Variants in AOX1 observed in about 807,000 individuals in gnomAD.
The protein encoded by AOX1 is aldehyde oxidase.
Under a neutral mutation model 169.5 loss-of-function variants are expected in AOX1, and 153 were observed. The observed-to-expected ratio is 0.90, with a 90% CI of 0.79 to 1.03. The LOEUF (loss-of-function observed/expected upper bound fraction) is 1.03, where lower values mean the gene tolerates loss of function less well. AOX1 is among the 50% of genes least tolerant of loss of function. The pLI, the probability that AOX1 is intolerant of heterozygous loss-of-function variation, is 0.00. For synonymous variants in AOX1, 562 were observed against 581.9 expected (o/e 0.97, Z 0.49); for missense variants, 1,656 against 1,663.9 (o/e 1.00, Z 0.08).
At position 200,612,643 on chromosome 2, in the gene AOX1, G is replaced by A. The variant is rs145889928; in HGVS notation, c.1298G>A (p.Arg433Gln). ...EFVSAFRQAQRQENALAIVNS... is the reference protein window; with the variant it reads ...EFVSAFRQAQQQENALAIVNS... The stretch of plus-strand genomic sequence containing the variant: ...GTGTCAGCCTTCCGACAAGCCCAGC[G>A]ACAGGAGAATGCGCTAGCGATAGTC... The change falls in exon 14 of 35, where the codon CGA (arginine) becomes CAA (glutamine). Residue 433 changes from arginine (R) to glutamine (Q), a missense_variant. Transcript: ENST00000374700. 68 of 1,613,888 alleles carry A rather than the reference G, an allele frequency of 4.2e-5. No homozygotes were observed. The highest frequency in any genetic ancestry group is 8.3e-5 in the Admixed American group (5 of 59,994).
intron 23 of AOX1, 67 bp downstream of exon 23, chr2:200,638,369 C>A: frequency 2.9e-6 from 4 of 1,382,156 alleles, no homozygotes; most frequent in Non-Finnish European, 4.1e-6. Flanking sequence ...GTGCGCAGGG[C>A]AGTCTTTGGC....
chr2:200,642,530 G>C, intron 24 of AOX1, 80 bp from the exon 25 acceptor site: 3 of 1,191,984 alleles, frequency 2.5e-6, no homozygotes, highest in Non-Finnish European at 3.6e-6. Context: ...TGCCATTTTC[G>C]GCCTGGTTTT....
At chr2:200,659,894 C>A in intron 28 of AOX1, 101 bp from the exon 29 acceptor site, 1 of 899,102 alleles carries the variant, frequency 1.1e-6, no homozygotes, top group Non-Finnish European at 1.7e-6. Flanking sequence ...TTTCCATGTT[C>A]CCTCTTAGAT....
In AOX1 at chr2:200,669,669, G is replaced by A. The variant is rs1486293054; in HGVS notation, c.3893G>A (p.Gly1298Glu). The A allele has an allele frequency of 1.9e-6, 3 of 1,613,968 alleles. No individual in the cohort carries two copies. The highest frequency in any genetic ancestry group is 1.7e-5 in the Admixed American group (1 of 60,010). ...SAARQERGLH[G>E]PLTLNSPLTP... The stretch of plus-strand genomic sequence containing the variant: ...GCACGACAGGAGAGAGGCCTGCATG[G>A]ACCCTTGACCCTTAATAGTCCACTG... Residue 1298 changes from glycine to glutamate, a missense_variant, in exon 34 of 35, where the codon GGA becomes GAA. Transcript: ENST00000374700.
At chr2:200,612,903 C>T (rs1217081857) in intron 14 of AOX1, 110 bp downstream of exon 14, 15 of 807,666 alleles carry the variant, frequency 1.9e-5, no homozygotes, top group Non-Finnish European at 2.9e-5. Context: ...TGTTCCATAC[C>T]TTTCTATTTA....
chr2:200,680,069 A>T (rs1480866221), downstream of AOX1, among the ~76,000 whole-genome samples: 1 of 152,170 alleles, frequency 6.6e-6, no homozygotes, highest in African/African-American at 2.4e-5. Context: ...ACAGAGCAAG[A>T]CTTCATCTCT....
At chr2:200,634,760 T>A (rs769569877) in intron 20 of AOX1, 31 bp from the exon 21 acceptor site, 1 of 1,612,954 alleles carries the variant, frequency 6.2e-7, no homozygotes, top group Non-Finnish European at 8.5e-7. Flanking sequence ...TCTGACTGCT[T>A]CCTTGACTTT....
chr2:200,641,445 G>T (rs2035350105), intron 24 of AOX1, among the ~76,000 whole-genome samples: 1 of 152,160 alleles, frequency 6.6e-6, no homozygotes, highest in Non-Finnish European at 1.5e-5. Flanking sequence ...AGCTTTCTCA[G>T]TTTTGGCCCT....
intron 25 of AOX1, among the ~76,000 whole-genome samples, chr2:200,645,238 G>T (rs541539889): frequency 3.3e-5 from 5 of 152,094 alleles, no homozygotes; most frequent in Non-Finnish European, 1.5e-5. Context: ...TTACATTAAG[G>T]TATGTCCTTT....
In AOX1 at chr2:200,659,153, C is replaced by G. The variant is rs1210910356; in HGVS notation, c.3172-12C>G. 2 of 1,612,896 alleles carry G rather than the reference C, an allele frequency of 1.2e-6. No individual in the cohort carries two copies. The highest frequency in any genetic ancestry group is 1.7e-6 in the Non-Finnish European group (2 of 1,179,352). On this transcript the variant is annotated splice_polypyrimidine_tract_variant and intron_variant, in intron 27 of 34. Coordinates refer to ENST00000374700, the MANE Select transcript of AOX1 (RefSeq NM_001159.4). Reference sequence around the variant, plus strand: ...CAAAGTGTTTAAAAGGAAACTCTCTCTTAAAATTCAGGTGGTCAGCCGTGA... The same window carrying G: ...CAAAGTGTTTAAAAGGAAACTCTCTGTTAAAATTCAGGTGGTCAGCCGTGA...
At chr2:200,638,340 T>C (rs1205950889) in intron 23 of AOX1, 38 bp downstream of exon 23, 1 of 1,578,314 alleles carries the variant, frequency 6.3e-7, no homozygotes, top group South Asian at 1.1e-5. Context: ...ATTTATGTTG[T>C]AGATACAACA....
At position 200,587,727 on chromosome 2, in the gene AOX1, AT is replaced by A. The variant is rs202195214; in HGVS notation, c.45+1581del. On this transcript the variant is annotated intron_variant, in intron 1 of 34. Transcript: ENST00000374700. The stretch of plus-strand genomic sequence containing the variant: ...GGGGTGAGATGATTGACATTATGTC[AT>A]TTTTTTCTTCTTTTGCATAATAGAA... 3.6e-4 allele frequency among the ~76,000 whole-genome samples: 55 copies of A among 152,250 alleles called. No homozygotes were observed. The East Asian group carries it at 0.01, about 29-fold the overall frequency.
chr2:200,612,706 GCATTATT>G lies in AOX1; in HGVS notation c.1362_1368del (p.Ile455GlufsTer36), dbSNP rs2034665454. On this transcript the variant is annotated frameshift_variant, in exon 14 of 35. Transcript: ENST00000374700. LOFTEE classifies it high-confidence loss of function. ...AGAGTCTTTTTTGGAGAAGGGGATG[GCATTATT>G]AGAGAGTTATGCATCTCATATGGAG... The G allele has an allele frequency of 1.2e-6, 2 of 1,614,090 alleles. No individual in the cohort carries two copies. Among genetic ancestry groups the G allele is most frequent in the African/African-American group, 2.7e-5 (2 of 75,034 alleles).
intron 3 of AOX1, 106 bp from the exon 4 acceptor site, chr2:200,597,291 A>G (rs766696818): frequency 3.6e-5 from 25 of 694,730 alleles, no homozygotes; most frequent in Non-Finnish European, 5.5e-5. Context: ...ACCTGGGTAC[A>G]TTATACAAAA....
chr2:200,608,149 A>G (rs2034553921), intron 10 of AOX1, among the ~76,000 whole-genome samples: 1 of 152,144 alleles, frequency 6.6e-6, no homozygotes, highest in African/African-American at 2.4e-5. Context: ...GAAAAAGAAA[A>G]TGGGGACAGA....
At chr2:200,586,655 C>A (rs530673222) in intron 1 of AOX1, among the ~76,000 whole-genome samples, 37 of 152,316 alleles carry the variant, frequency 2.4e-4, no homozygotes, top group African/African-American at 7.9e-4. Context: ...ATTCAAACCA[C>A]CCCCATCGTT....
chr2:200,630,731 A>G (rs2035108537), intron 20 of AOX1, among the ~76,000 whole-genome samples: 1 of 152,220 alleles, frequency 6.6e-6, no homozygotes, highest in East Asian at 1.9e-4. Context: ...CTTTTGGATT[A>G]TGAGTTTCTC....
At position 200,642,849 on chromosome 2, in the gene AOX1, C is replaced by T. The variant is rs80139349; in HGVS notation, c.2847+48C>T. 7.9e-4 allele frequency: 1,233 copies of T among 1,558,040 alleles called. 13 individuals carry two copies. In the East Asian group the frequency reaches 0.021, roughly 26 times the overall value. ...GACAAAACATGTGGAATGTCAGAGA[C>T]GGTAGGGCCTTTGGGGGCCATTCAG... On this transcript the variant is annotated intron_variant, in intron 25 of 34. Coordinates refer to ENST00000374700, the MANE Select transcript of AOX1 (RefSeq NM_001159.4).
At chr2:200,635,357 G>A (rs2035209080) in intron 21 of AOX1, among the ~76,000 whole-genome samples, 1 of 152,184 alleles carries the variant, frequency 6.6e-6, no homozygotes, top group African/African-American at 2.4e-5. Flanking sequence ...GAAAGAGGAA[G>A]ACCTGCTCTC....
Sources: gnomAD v4.1 joint callset for allele counts (sites outside exome capture counted in the v4.1 genomes callset) on GRCh38, gnomAD v4.1.1 for gene constraint, MANE v1.5 for transcripts, NCBI Gene and HGNC (gene_info 2026-07-23, HGNC 2026-07-21) for gene names.